The following STK10 variants were observed in gnomAD, a reference collection of about 807,000 sequenced individuals.
STK10 encodes serine/threonine-protein kinase 10.
A neutral mutation model predicts 113.8 loss-of-function variants in STK10; 78 were observed. The ratio of observed to expected loss-of-function variants is 0.69; its 90% CI spans 0.57 to 0.83. The LOEUF is 0.83. STK10 is among the 40% of genes least tolerant of loss of function. STK10 has a pLI of 0.00. For missense variants in STK10, 1,109 were observed against 1,280.1 expected (o/e 0.87, Z 2.04); for synonymous variants, 465 against 494.7 (o/e 0.94, Z 0.80).
intron 12 of STK10, among the ~76,000 whole-genome samples, chr5:172,073,605 A>AT (rs1224939159): frequency 6.6e-5 from 10 of 151,812 alleles, no homozygotes; most frequent in Admixed American, 6.6e-5. Flanking sequence ...GCAGAAATTG[A>AT]TTTTTTTTAA....
At chr5:172,161,117 G>C (rs1274253266) in intron 1 of STK10, among the ~76,000 whole-genome samples, 6 of 152,098 alleles carry the variant, frequency 3.9e-5, no homozygotes. Flanking sequence ...GTGTGGGAGA[G>C]GGCACCTAAC....
chr5:172,174,057 T>C (rs1770709817), intron 1 of STK10, among the ~76,000 whole-genome samples: 1 of 152,000 alleles, frequency 6.6e-6, no homozygotes, highest in African/African-American at 2.4e-5. Flanking sequence ...GCCTCCCGAG[T>C]GTAGCCACGT....
At chr5:172,182,284 C>T (rs890538064) in intron 1 of STK10, among the ~76,000 whole-genome samples, 5 of 114,650 alleles carry the variant, frequency 4.4e-5, no homozygotes, top group African/African-American at 1.7e-4. Flanking sequence ...GCCTGGGTGA[C>T]AGAGCTAGAC....
chr5:172,109,846 G>A, intron 4 of STK10, among the ~76,000 whole-genome samples: 1 of 152,210 alleles, frequency 6.6e-6, no homozygotes, highest in East Asian at 1.9e-4. Context: ...GCTAGATGAT[G>A]GCTGCCTTTG....
chr5:172,157,333 G>C (rs981924917), intron 1 of STK10, among the ~76,000 whole-genome samples: 12 of 152,148 alleles, frequency 7.9e-5, no homozygotes, highest in African/African-American at 2.9e-4. Context: ...CCAAGGCAGG[G>C]AGATCACAAG....
rs1769116459 is a variant in STK10, at chr5:172,106,614, C to CGT, written c.788+5_788+6insAC. ...CCCGGCAGGTGGCCCTGCCCCTGCC[C>CGT]CTCACCACTTAGAGGGCGTGAGCAG... On this transcript the variant is annotated splice_donor_region_variant and intron_variant, in intron 6 of 18. Transcript: ENST00000176763. 15 of 1,610,624 alleles carry CGT rather than the reference C, an allele frequency of 9.3e-6. No homozygotes were observed. Among genetic ancestry groups the CGT allele is most frequent in the Non-Finnish European group, 1.3e-5 (15 of 1,179,004 alleles).
rs950755982 is a variant in STK10 at position 172,187,428 on chromosome 5, G to A, written c.156+459C>T. Among the ~76,000 whole-genome samples the A allele has an allele frequency of 1.3e-5, 2 of 151,486 alleles. No homozygotes were observed. The highest frequency in any genetic ancestry group is 2.9e-5 in the Non-Finnish European group (2 of 67,926). Reference sequence around the variant, plus strand: ...CAGATGTGTCCCTAGCTCCCAACCCGTCCAAGCGCAGCCGAGTTTCTCGGT... The same window carrying A: ...CAGATGTGTCCCTAGCTCCCAACCCATCCAAGCGCAGCCGAGTTTCTCGGT... On this transcript the variant is annotated intron_variant, in intron 1 of 18. Coordinates refer to ENST00000176763, the MANE Select transcript of STK10 (RefSeq NM_005990.4). The surrounding 1 kb of genome is among the most constrained non-coding windows in gnomAD (Gnocchi z 4.6).
At chr5:172,083,294 TAA>T (rs1768475034) in intron 10 of STK10, among the ~76,000 whole-genome samples, 1 of 151,522 alleles carries the variant, frequency 6.6e-6, no homozygotes, top group African/African-American at 2.4e-5. Context: ...TACAAATCAA[TAA>T]AAAGGAAGAT....
chr5:172,093,255 G>T lies in STK10; in HGVS notation c.1554+157C>A, dbSNP rs545664039. ...ATTCCTAAATCCCATATTGAACCCA[G>T]ATATTTTGGAGATTAAACTATGAGT... On this transcript the variant is annotated intron_variant, in intron 9 of 18. Coordinates refer to ENST00000176763, the MANE Select transcript of STK10 (RefSeq NM_005990.4). This position sits in a 1 kb window ranked among gnomAD's most constrained non-coding sequence, Gnocchi z 4.1. Among the ~76,000 whole-genome samples, 1 of 152,156 alleles carries T rather than the reference G, an allele frequency of 6.6e-6. No homozygotes were observed. The highest frequency in any genetic ancestry group is 1.5e-5 in the Non-Finnish European group (1 of 68,030).
intron 7 of STK10, among the ~76,000 whole-genome samples, chr5:172,105,297 C>T (rs1769073773): frequency 6.6e-6 from 1 of 152,000 alleles, no homozygotes; most frequent in African/African-American, 2.4e-5. Flanking sequence ...ACCCAGAGAA[C>T]CCTTCCTTAT....
At chr5:172,167,749 C>T (rs1317584200) in intron 1 of STK10, among the ~76,000 whole-genome samples, 1 of 152,208 alleles carries the variant, frequency 6.6e-6, no homozygotes, top group Non-Finnish European at 1.5e-5. Flanking sequence ...CCACATTTCA[C>T]GTGCCACCAC....
chr5:172,125,134 T>G (rs1263940505), intron 3 of STK10, among the ~76,000 whole-genome samples: 1 of 152,214 alleles, frequency 6.6e-6, no homozygotes, highest in African/African-American at 2.4e-5. Context: ...GGGATGTCCT[T>G]TTGGTACATC....
chr5:172,102,552 AG>A (rs1479353490), intron 7 of STK10, among the ~76,000 whole-genome samples: 3 of 152,062 alleles, frequency 2.0e-5, no homozygotes, highest in African/African-American at 4.8e-5. Flanking sequence ...GCTGGGGCAA[AG>A]GGGGGCGAGC....
chr5:172,049,984 G>A (rs1767592607), intron 18 of STK10, among the ~76,000 whole-genome samples: 1 of 152,122 alleles, frequency 6.6e-6, no homozygotes, highest in East Asian at 1.9e-4. Context: ...TGTATTTTTA[G>A]TAGAGACTGG....
intron 2 of STK10, among the ~76,000 whole-genome samples, chr5:172,150,272 G>A (rs952784842): frequency 6.6e-6 from 1 of 151,736 alleles, no homozygotes; most frequent in African/African-American, 2.4e-5. Flanking sequence ...CCTGAGGTCA[G>A]GAGTTCAAGA....
Position 172,187,530 on chromosome 5 carries a change from G to A in STK10, c.156+357C>T, listed in dbSNP as rs1770974960. Among the ~76,000 whole-genome samples the A allele has an allele frequency of 6.6e-6, 1 of 152,138 alleles. No homozygotes were observed. Among genetic ancestry groups the A allele is most frequent in the African/African-American group, 2.4e-5 (1 of 41,420 alleles). On this transcript the variant is annotated intron_variant, in intron 1 of 18. Transcript: ENST00000176763. The surrounding 1 kb of genome is among the most constrained non-coding windows in gnomAD (Gnocchi z 4.6). The stretch of plus-strand genomic sequence containing the variant: ...AGTGTGCCCGTATCGCCGTTTTACG[G>A]AACGTCCCTGGAAGGTCCCTCGAGT...
rs913732828 is a variant in STK10 at position 172,057,777 on chromosome 5, G to C, written c.2213-304C>G. On this transcript the variant is annotated intron_variant, in intron 14 of 18. Transcript: ENST00000176763. The stretch of plus-strand genomic sequence containing the variant: ...AACCCAGCTCCATCGGTGGGATTAG[G>C]AATGGAGAGGTTCTCTAGGCATCAG... 4.6e-5 allele frequency among the ~76,000 whole-genome samples: 7 copies of C among 152,180 alleles called. No individual in the cohort carries two copies. In the East Asian group the frequency reaches 1.3e-3, roughly 29 times the overall value.
intron 16 of STK10, among the ~76,000 whole-genome samples, chr5:172,055,302 C>T (rs986065205): frequency 2.6e-5 from 4 of 152,208 alleles, no homozygotes; most frequent in East Asian, 3.9e-4. Context: ...CGGGCTCAAG[C>T]GATCCTCCCA....
At position 172,133,470 on chromosome 5, in the gene STK10, G is replaced by C. The variant is rs1490422335; in HGVS notation, c.322-6049C>G. Among the ~76,000 whole-genome samples, 3 of 152,200 alleles carry C rather than the reference G, an allele frequency of 2.0e-5. No individual in the cohort carries two copies. Among genetic ancestry groups the C allele is most frequent in the Non-Finnish European group, 4.4e-5 (3 of 68,038 alleles). On this transcript the variant is annotated intron_variant, in intron 2 of 18. Coordinates refer to ENST00000176763, the MANE Select transcript of STK10 (RefSeq NM_005990.4). This position sits in a 1 kb window ranked among gnomAD's most constrained non-coding sequence, Gnocchi z 4.9. The stretch of plus-strand genomic sequence containing the variant: ...ACTCATCCCCTGCAAGGGAGGGGTA[G>C]AAGCAGGGTGCTAAGCCAGTCAGGA...
Sources: gnomAD v4.1 joint callset for allele counts (sites outside exome capture counted in the v4.1 genomes callset) on GRCh38, gnomAD v4.1.1 for gene constraint, Gnocchi (gnomAD v3.1) non-coding constraint, MANE v1.5 for transcripts, NCBI Gene and HGNC (gene_info 2026-07-23, HGNC 2026-07-21) for gene names.